Variants in NARS2 observed in about 807,000 individuals in gnomAD.
The protein encoded by NARS2 is asparaginyl-tRNA synthetase.
A neutral mutation model predicts 62.9 loss-of-function variants in NARS2; 60 were observed. The ratio of observed to expected loss-of-function variants is 0.95; its 90% CI spans 0.77 to 1.18. The LOEUF (loss-of-function observed/expected upper bound fraction) is 1.18. Ranked by LOEUF, NARS2 falls within the 50% of genes most tolerant of loss-of-function variation. The pLI is 0.00. For missense variants in NARS2, 619 were observed against 576.4 expected, an observed-to-expected ratio of 1.07 and a Z score of -0.76; for synonymous variants, 196 against 200.0, an observed-to-expected ratio of 0.98 and a Z score of 0.17.
Position 78,528,837 on chromosome 11 carries a change from C to T in NARS2, c.689+5G>A. ...CAAAGCAAAAGAGAAAGGAAAATTT[C>T]ATACCCTGACATCACTTCTAGATGA... On this transcript the variant is annotated splice_donor_5th_base_variant and intron_variant, in intron 6 of 13. Coordinates refer to ENST00000281038, the MANE Select transcript of NARS2 (RefSeq NM_024678.6). The T allele has an allele frequency of 6.3e-7, 1 of 1,595,176 alleles. No homozygotes were observed. Among genetic ancestry groups the T allele is most frequent in the South Asian group, 1.1e-5 (1 of 90,592 alleles).
intron 7 of NARS2, among the ~76,000 whole-genome samples, chr11:78,480,266 A>G (rs542576282): frequency 6.6e-6 from 1 of 151,830 alleles, no homozygotes; most frequent in South Asian, 2.1e-4. Context: ...CTTACATTTT[A>G]TTTATTTATT....
At chr11:78,441,168 T>C (rs568023930) in intron 12 of NARS2, 51 bp from the exon 13 acceptor site, 3 of 1,525,050 alleles carry the variant, frequency 2.0e-6, no homozygotes, top group South Asian at 1.2e-5. Context: ...AAGATAAATA[T>C]TAACCACTAG....
intron 5 of NARS2, among the ~76,000 whole-genome samples, chr11:78,531,397 G>A (rs1402951807): frequency 3.3e-5 from 5 of 152,174 alleles, no homozygotes; most frequent in South Asian, 4.1e-4. Flanking sequence ...ACTATGGAAC[G>A]AAACTAGAAA....
At chr11:78,465,326 T>C (rs369972733) in intron 11 of NARS2, among the ~76,000 whole-genome samples, 3 of 152,352 alleles carry the variant, frequency 2.0e-5, no homozygotes, top group African/African-American at 4.8e-5. Context: ...GGCTCCGGCC[T>C]TGGCCAGCCC....
rs1444797442 is a variant in NARS2 at position 78,436,496 on chromosome 11, C to T, written c.*174G>A. ...GGGAGCTCATCCTTACGTGAAATACCCTCAACTTTCTAAGAAAATCACAAC... is the reference window on the plus strand; with the variant it reads ...GGGAGCTCATCCTTACGTGAAATACTCTCAACTTTCTAAGAAAATCACAAC... On this transcript the variant is annotated 3_prime_UTR_variant, in exon 14 of 14. Transcript: ENST00000281038. The T allele has an allele frequency of 2.4e-5, 19 of 793,590 alleles. No homozygotes were observed. The highest frequency in any genetic ancestry group is 3.6e-5 in the Non-Finnish European group (18 of 506,158). The allele number at this position is 793,590 out of a possible 1,614,324, so 49.2% of individuals were successfully genotyped here. A position where few individuals can be genotyped will look rare whatever the true frequency, so the allele number is the denominator to read the frequency against.
At chr11:78,488,779 T>C (rs985030244) in intron 7 of NARS2, among the ~76,000 whole-genome samples, 6 of 152,166 alleles carry the variant, frequency 3.9e-5, no homozygotes, top group African/African-American at 1.2e-4. Context: ...TAGAGGATTC[T>C]GAAATAGATC....
intron 11 of NARS2, among the ~76,000 whole-genome samples, chr11:78,457,190 G>A (rs1028331873): frequency 6.6e-6 from 1 of 152,180 alleles, no homozygotes; most frequent in Non-Finnish European, 1.5e-5. Flanking sequence ...CTGAGAGGTG[G>A]GGAGAAAGGA....
intron 7 of NARS2, among the ~76,000 whole-genome samples, chr11:78,487,171 C>A (rs1301543494): frequency 3.3e-5 from 5 of 151,942 alleles, no homozygotes; most frequent in Non-Finnish European, 7.4e-5. Context: ...GCCCGGCCAA[C>A]ATGGTGAAAC....
intron 9 of NARS2, among the ~76,000 whole-genome samples, chr11:78,469,831 C>A (rs1023039778): frequency 4.6e-5 from 7 of 151,666 alleles, no homozygotes; most frequent in Non-Finnish European, 1.5e-5. Context: ...AGTAGCTATT[C>A]GTGCTATGAA....
At chr11:78,467,400 G>C (rs1275044536) in intron 10 of NARS2, among the ~76,000 whole-genome samples, 2 of 152,074 alleles carry the variant, frequency 1.3e-5, no homozygotes, top group Admixed American at 6.6e-5. Flanking sequence ...AGCCAGACCT[G>C]GTGGCACGCA....
At chr11:78,438,324 A>AAT (rs1857474576) in intron 13 of NARS2, among the ~76,000 whole-genome samples, 1 of 152,218 alleles carries the variant, frequency 6.6e-6, no homozygotes, top group African/African-American at 2.4e-5. Flanking sequence ...AGGCACATTC[A>AAT]GTTATTCAGT....
At chr11:78,486,203 G>A (rs1260924476) in intron 7 of NARS2, among the ~76,000 whole-genome samples, 1 of 151,664 alleles carries the variant, frequency 6.6e-6, no homozygotes, top group East Asian at 1.9e-4. Flanking sequence ...ATTTTCTCTT[G>A]TCAGTTAGAC....
intron 7 of NARS2, among the ~76,000 whole-genome samples, chr11:78,487,627 G>A (rs115946346): frequency 0.011 from 1,643 of 152,058 alleles, 34 homozygotes; most frequent in African/African-American, 0.039. Context: ...GGATAAACTC[G>A]AAGAAAATTA....
chr11:78,439,125 T>C (rs1037734293), intron 13 of NARS2, among the ~76,000 whole-genome samples: 18 of 151,872 alleles, frequency 1.2e-4, no homozygotes, highest in East Asian at 1.9e-4. Context: ...GAAACATCCA[T>C]CTCCCAGGTT....
intron 6 of NARS2, among the ~76,000 whole-genome samples, chr11:78,495,571 T>G (rs1057449268): frequency 6.6e-6 from 1 of 152,202 alleles, no homozygotes; most frequent in Non-Finnish European, 1.5e-5. Flanking sequence ...GCATCTCTAG[T>G]GCCTAAGATA....
rs767106577 is a variant in NARS2 at position 78,518,208 on chromosome 11, G to A, written c.689+10634C>T. Among the ~76,000 whole-genome samples, 28 of 152,214 alleles carry A rather than the reference G, an allele frequency of 1.8e-4. No homozygotes were observed. The East Asian group carries it at 4.4e-3, about 24-fold the overall frequency. ...ATGGTTTTAGGTATTATAAGAAATC[G>A]AGATTAATTTAAAATATATGGGAGG... On this transcript the variant is annotated intron_variant, in intron 6 of 13. Coordinates refer to ENST00000281038, the MANE Select transcript of NARS2 (RefSeq NM_024678.6).
rs377040575 is a variant in NARS2, at chr11:78,500,312, G to A, written c.690-7117C>T. Among the ~76,000 whole-genome samples, 25 of 152,252 alleles carry A rather than the reference G, an allele frequency of 1.6e-4. No individual in the cohort carries two copies. The South Asian group carries it at 3.5e-3, about 21-fold the overall frequency. On this transcript the variant is annotated intron_variant, in intron 6 of 13. Transcript: ENST00000281038. The stretch of plus-strand genomic sequence containing the variant: ...TAAATTTCCCCATGCAAAGATGAGG[G>A]TGAGTATATAAATGTCATGGAGGTT...
intron 13 of NARS2, 141 bp from the exon 14 acceptor site, chr11:78,436,955 A>G (rs1327235054): frequency 1.3e-6 from 1 of 781,970 alleles, no homozygotes; most frequent in East Asian, 2.7e-5. Flanking sequence ...TCCCCTCCAC[A>G]GACAGACAAT....
intron 10 of NARS2, among the ~76,000 whole-genome samples, chr11:78,466,749 G>A (rs1186608319): frequency 6.6e-6 from 1 of 152,132 alleles, no homozygotes; most frequent in Non-Finnish European, 1.5e-5. Flanking sequence ...CCAAAGTGCT[G>A]GGATTACAGG....
Sources: gnomAD v4.1 joint callset for allele counts (sites outside exome capture counted in the v4.1 genomes callset) on GRCh38, gnomAD v4.1.1 for gene constraint, MANE v1.5 for transcripts, NCBI Gene and HGNC (gene_info 2026-07-23, HGNC 2026-07-21) for gene names.